Variants in SEC11A observed in about 807,000 individuals in gnomAD.
SEC11A encodes SEC11 homolog A, signal peptidase complex subunit, also known as signal peptidase complex catalytic subunit SEC11A.
SEC11A carries 14 observed loss-of-function variants against 25.6 expected under a neutral mutation model. The observed-to-expected ratio is 0.55, with a 90% CI of 0.36 to 0.85. SEC11A has a LOEUF of 0.85. Ranked by LOEUF, SEC11A falls within the 40% of genes least tolerant of loss-of-function variation. SEC11A has a pLI of 0.01. For missense variants in SEC11A, 153 were observed against 222.9 expected, an observed-to-expected ratio of 0.69 and a Z score of 2.00; for synonymous variants, 83 against 76.4, an observed-to-expected ratio of 1.09 and a Z score of -0.45.
chr15:84,691,176 G>A (rs541657027), intron 2 of SEC11A, among the ~76,000 whole-genome samples: 1 of 151,488 alleles, frequency 6.6e-6, no homozygotes, highest in East Asian at 1.9e-4. Flanking sequence ...TAGGGCTTAG[G>A]TGATCCTCCC....
chr15:84,679,325 A>C (rs1395997348), intron 4 of SEC11A: 1 of 955,334 alleles, frequency 1.0e-6, no homozygotes, highest in South Asian at 1.4e-5. Flanking sequence ...GCTCCATCAA[A>C]GGAAAAGTTC....
intron 2 of SEC11A, among the ~76,000 whole-genome samples, chr15:84,690,193 A>G (rs541366060): frequency 1.3e-5 from 2 of 152,240 alleles, no homozygotes; most frequent in East Asian, 3.9e-4. Context: ...ATCATGGGGC[A>G]GGTTTTTCCT....
intron 5 of SEC11A, 75 bp downstream of exon 5, chr15:84,670,650 G>C: frequency 1.4e-6 from 1 of 730,336 alleles, no homozygotes; most frequent in Non-Finnish European, 2.3e-6. Flanking sequence ...AGAGTGCTGG[G>C]ATTACAGGCT....
intron 1 of SEC11A, among the ~76,000 whole-genome samples, chr15:84,708,772 A>G (rs182755056): frequency 6.6e-6 from 1 of 152,072 alleles, no homozygotes; most frequent in Non-Finnish European, 1.5e-5. Flanking sequence ...TAGGTGACAG[A>G]GCGAGACCTT....
intron 4 of SEC11A, among the ~76,000 whole-genome samples, chr15:84,679,533 A>G (rs1897229620): frequency 6.6e-6 from 1 of 152,200 alleles, no homozygotes; most frequent in Admixed American, 6.5e-5. Flanking sequence ...TTACTGGTGT[A>G]ATAACTCTGT....
At chr15:84,682,383 A>G (rs1021921214) in intron 3 of SEC11A, among the ~76,000 whole-genome samples, 1 of 152,188 alleles carries the variant, frequency 6.6e-6, no homozygotes, top group African/African-American at 2.4e-5. Flanking sequence ...GTTAGCTTTC[A>G]AAGAAGAAAT....
At position 84,680,716 on chromosome 15, in the gene SEC11A, CT is replaced by C; in HGVS notation, c.427del (p.Arg143GlyfsTer10). ...LEKKDVVGRARGFVPYIGIVT... is the reference protein window; with the variant it reads ...LEKKDVVGRAXGFVPYIGIVT... The stretch of plus-strand genomic sequence containing the variant: ...AGATGCTCCCCTCTATACTTACCCC[CT>C]GGCTCTCCCCACAACATCTTTTTTC... On this transcript the variant is annotated frameshift_variant, in exon 4 of 6. Coordinates refer to ENST00000268220, the MANE Select transcript of SEC11A (RefSeq NM_014300.4). LOFTEE classifies it high-confidence loss of function. 2 of 1,610,796 alleles carry C rather than the reference CT, an allele frequency of 1.2e-6. No individual in the cohort carries two copies. Among genetic ancestry groups the C allele is most frequent in the Non-Finnish European group, 1.7e-6 (2 of 1,178,090 alleles).
chr15:84,693,399 A>G (rs1897667229), intron 1 of SEC11A, among the ~76,000 whole-genome samples: 1 of 150,538 alleles, frequency 6.6e-6, no homozygotes, highest in Admixed American at 6.6e-5. Context: ...TGAACTGGGG[A>G]AACTCAAAAT....
intron 1 of SEC11A, among the ~76,000 whole-genome samples, chr15:84,694,209 G>GC: frequency 6.6e-6 from 1 of 151,966 alleles, no homozygotes; most frequent in Non-Finnish European, 1.5e-5. Context: ...ACAAAAATTA[G>GC]CTGGGTGTGG....
At chr15:84,677,873 A>G (rs951554412) in intron 4 of SEC11A, among the ~76,000 whole-genome samples, 1 of 152,122 alleles carries the variant, frequency 6.6e-6, no homozygotes, top group Non-Finnish European at 1.5e-5. Flanking sequence ...GGCCAGAGTG[A>G]GCAGACAGAG....
At chr15:84,675,609 C>T (rs1434930250) in intron 4 of SEC11A, among the ~76,000 whole-genome samples, 4 of 152,140 alleles carry the variant, frequency 2.6e-5, no homozygotes, top group Non-Finnish European at 5.9e-5. Flanking sequence ...TAACAGAGAG[C>T]TCAATTACTC....
intron 1 of SEC11A, chr15:84,692,024 CTTTTTTTTTTT>C (rs59177902): frequency 7.9e-6 from 1 of 127,338 alleles, no homozygotes; most frequent in Non-Finnish European, 1.6e-5. Flanking sequence ...TTTTCTTTTT[CTTTTTTTTTTT>C]TTTTTTGAGA....
intron 2 of SEC11A, among the ~76,000 whole-genome samples, chr15:84,688,084 C>T (rs1897483917): frequency 6.6e-6 from 1 of 152,060 alleles, no homozygotes; most frequent in African/African-American, 2.4e-5. Flanking sequence ...TTTCAAATGA[C>T]AAACAGAATA....
chr15:84,687,991 A>G (rs542859961), intron 2 of SEC11A, among the ~76,000 whole-genome samples: 2 of 152,314 alleles, frequency 1.3e-5, no homozygotes, highest in African/African-American at 4.8e-5. Flanking sequence ...ACCTTCACTA[A>G]CTAGTTCCAT....
At position 84,691,604 on chromosome 15, in the gene SEC11A, G is replaced by A. The variant is rs751079864; in HGVS notation, c.92C>T (p.Ser31Leu). ...QVLNFGMIVS[S>L]ALMIWKGLMV... ...TAACCCCTTCCAGATCATTAGTGCC[G>A]ATGAGACAATCATTCCAAAATTTAG... The change falls in exon 2 of 6, where the codon TCG becomes TTG. Residue 31 changes from serine to leucine, a missense_variant. Coordinates refer to ENST00000268220, the MANE Select transcript of SEC11A (RefSeq NM_014300.4). 3.7e-6 allele frequency: 6 copies of A among 1,612,434 alleles called. No homozygotes were observed. The highest frequency in any genetic ancestry group is 1.7e-5 in the Admixed American group (1 of 59,916).
chr15:84,699,914 C>T (rs948463637), intron 1 of SEC11A, among the ~76,000 whole-genome samples: 21 of 151,946 alleles, frequency 1.4e-4, no homozygotes, highest in Non-Finnish European at 2.9e-5. Context: ...ATTCTCACAG[C>T]TCTTATGGCG....
chr15:84,699,745 C>A (rs1411180082), intron 1 of SEC11A, among the ~76,000 whole-genome samples: 1 of 150,114 alleles, frequency 6.7e-6, no homozygotes, highest in African/African-American at 2.5e-5. Flanking sequence ...GGCAATACAG[C>A]AAGATCCCCG....
chr15:84,670,154 TGAATATATCGCTAA>T (rs1896944535), intron 5 of SEC11A, 85 bp from the exon 6 acceptor site: 1 of 1,324,076 alleles, frequency 7.6e-7, no homozygotes, highest in Admixed American at 2.3e-5. Context: ...TTGGTCTTTG[TGAATATATCGCTAA>T]ACTACCCAAT....
intron 1 of SEC11A, among the ~76,000 whole-genome samples, chr15:84,713,149 G>T (rs1410126913): frequency 6.8e-6 from 1 of 147,410 alleles, no homozygotes; most frequent in African/African-American, 2.5e-5. Context: ...AGTCAAGATT[G>T]CACTACTGCA....
Sources: allele counts gnomAD v4.1 joint callset (sites outside exome capture counted in the v4.1 genomes callset), GRCh38; gene constraint gnomAD v4.1.1; transcripts MANE v1.5; gene names NCBI Gene and HGNC (gene_info 2026-07-23, HGNC 2026-07-21).